ATP1A3: variants seen among roughly 807,000 people sequenced by gnomAD.
The protein encoded by ATP1A3 is ATPase Na+/K+ transporting subunit alpha 3.
In ATP1A3, 12 loss-of-function variants were observed where a neutral mutation model predicts 108.8. The observed-to-expected ratio is 0.11, with a 90% confidence interval of 0.07 to 0.18. ATP1A3 has a LOEUF of 0.18. Among genes scored for constraint, ATP1A3 ranks in the 10% least tolerant of loss-of-function variants. ATP1A3 has a pLI of 1.00. For missense variants in ATP1A3, 498 were observed against 1,387.7 expected, an observed-to-expected ratio of 0.36 and a Z score of 10.19; for synonymous variants, 539 against 564.5, an observed-to-expected ratio of 0.95 and a Z score of 0.64.
Position 41,988,776 on chromosome 19 carries a change from G to C in ATP1A3, c.7-214C>G, listed in dbSNP as rs111573952. ...CCCTTCTGCCTCTGGTGACTCTCAG[G>C]CCTCGTGAGTCTCATCTGCTGCAAT... On this transcript the variant is annotated intron_variant, in intron 1 of 22. Transcript: ENST00000648268. The surrounding 1 kb of genome is among the most constrained non-coding windows in gnomAD (Gnocchi z 5.3). Among the ~76,000 whole-genome samples, 116 of 152,088 alleles carry C rather than the reference G, an allele frequency of 7.6e-4. No homozygotes were observed. Among genetic ancestry groups the C allele is most frequent in the African/African-American group, 2.7e-3 (112 of 41,456 alleles).
At position 41,988,035 on chromosome 19, in the gene ATP1A3, G is replaced by A. The variant is rs2075302500; in HGVS notation, c.258C>T (p.Leu86=). 1.2e-6 allele frequency: 2 copies of A among 1,614,056 alleles called. No individual in the cohort carries two copies. The highest frequency in any genetic ancestry group is 1.3e-5 in the African/African-American group (1 of 74,914). Residue 86 remains leucine, a synonymous_variant, in exon 4 of 23, where the codon CTC becomes CTT. Coordinates refer to ENST00000648268, the MANE Select transcript of ATP1A3 (RefSeq NM_152296.5). The surrounding 1 kb of genome is among the most constrained non-coding windows in gnomAD (Gnocchi z 5.3). ...TPEWVKFCRQ[L]FGGFSILLWI... is the part of the protein sequence containing the mutation. Reference sequence around the variant, plus strand: ...ACAGCAGGATGGAGAAGCCCCCGAAGAGCTGCCGGCAAAACTTGACCCACT... The same window carrying A: ...ACAGCAGGATGGAGAAGCCCCCGAAAAGCTGCCGGCAAAACTTGACCCACT...
intron 16 of ATP1A3, among the ~76,000 whole-genome samples, chr19:41,975,054 A>AT (rs879966768): frequency 0.011 from 1,613 of 144,938 alleles, 5 homozygotes; most frequent in African/African-American, 0.014. Context: ...GGGCTTGAGA[A>AT]TTTTTTTTTT....
intron 16 of ATP1A3, among the ~76,000 whole-genome samples, chr19:41,973,659 C>A (rs1221303859): frequency 6.6e-6 from 1 of 152,216 alleles, no homozygotes; most frequent in Non-Finnish European, 1.5e-5. Context: ...GGCCTGCTTT[C>A]TTCGGGGCAT....
chr19:41,982,451 C>A lies in ATP1A3; in HGVS notation c.994-345G>T, dbSNP rs150665687. 4.5e-3 allele frequency among the ~76,000 whole-genome samples: 678 copies of A among 152,176 alleles called. 35 individuals carry two copies. In the East Asian group the frequency reaches 0.11, roughly 24 times the overall value. On this transcript the variant is annotated intron_variant, in intron 8 of 22. Coordinates refer to ENST00000648268, the MANE Select transcript of ATP1A3 (RefSeq NM_152296.5). Reference sequence around the variant, plus strand: ...GACCAGCCTGGCTAACATGGTGAAACCCCATCCCTACTAAAAATACAGAAA... The same window carrying A: ...GACCAGCCTGGCTAACATGGTGAAAACCCATCCCTACTAAAAATACAGAAA...
At chr19:41,969,315 G>A (rs963542251) in intron 19 of ATP1A3, 120 bp downstream of exon 19, 124 of 1,541,012 alleles carry the variant, frequency 8.0e-5, no homozygotes, top group Admixed American at 1.0e-4. Flanking sequence ...GCCCAGCAAA[G>A]GCCTTGATGC....
Position 41,976,476 on chromosome 19 carries a change from G to A in ATP1A3, c.2034C>T (p.Ile678=), listed in dbSNP as rs2145961533. Residue 678 remains isoleucine, a synonymous_variant, in exon 15 of 23, where the codon ATC becomes ATT. Coordinates refer to ENST00000648268, the MANE Select transcript of ATP1A3 (RefSeq NM_152296.5). The stretch of plus-strand genomic sequence containing the variant: ...GCTGGGGGGATGTGCGGGCGAAGAC[G>A]ATCTCGGTGTGATTCTGCAGGATCT... ...IDEILQNHTE[I]VFARTSPQQK... 3.7e-6 allele frequency: 6 copies of A among 1,614,222 alleles called. No homozygotes were observed. Among genetic ancestry groups the A allele is most frequent in the South Asian group, 3.3e-5 (3 of 91,080 alleles).
chr19:41,991,107 G>A (rs1302114496), intron 1 of ATP1A3, among the ~76,000 whole-genome samples: 18 of 152,196 alleles, frequency 1.2e-4, no homozygotes, highest in African/African-American at 4.1e-4. Flanking sequence ...GGATGGGGAG[G>A]GCAGTGTCCG....
chr19:41,992,074 G>A (rs1173400703), intron 1 of ATP1A3, among the ~76,000 whole-genome samples: 1 of 146,390 alleles, frequency 6.8e-6, no homozygotes, highest in African/African-American at 2.6e-5. Flanking sequence ...CCTGGTCTGA[G>A]GGAGGAGGGG....
chr19:41,993,963 C>T (rs995765851), intron 1 of ATP1A3, 108 bp downstream of exon 1: 4 of 1,556,644 alleles, frequency 2.6e-6, no homozygotes, highest in Non-Finnish European at 3.5e-6. Flanking sequence ...TCTCGCAGGC[C>T]TGGCCCCGGA....
At position 41,988,088 on chromosome 19, in the gene ATP1A3, C is replaced by T; in HGVS notation, c.205G>A (p.Ala69Thr). Residue 69 changes from alanine to threonine, a missense_variant, in exon 4 of 23, where the codon GCA becomes ACA. By Grantham distance (58) the Ala-to-Thr change is moderately conservative. Coordinates refer to ENST00000648268, the MANE Select transcript of ATP1A3 (RefSeq NM_152296.5). This position sits in a 1 kb window ranked among gnomAD's most constrained non-coding sequence, Gnocchi z 5.3. ...GGGGTGGTAGGCGGTGGCGTGAGTG[C>T]GTTAGGCCCATCCCGGGCCAGGATC... ...QEILARDGPNALTPPPTTPEW... is the reference protein window; with the variant it reads ...QEILARDGPNTLTPPPTTPEW... The T allele has an allele frequency of 1.2e-6, 2 of 1,614,116 alleles. No individual in the cohort carries two copies. Among genetic ancestry groups the T allele is most frequent in the Non-Finnish European group, 8.5e-7 (1 of 1,180,012 alleles).
At position 41,978,554 on chromosome 19, in the gene ATP1A3, A is replaced by AC; in HGVS notation, c.1630+51dup. Reference sequence around the variant, plus strand: ...GCTGAGACAGGCTTTGGGCAGCATCACAACCCTCCTTGCCCTCCAGGGACC... The same window carrying AC: ...GCTGAGACAGGCTTTGGGCAGCATCACCAACCCTCCTTGCCCTCCAGGGACC... On this transcript the variant is annotated intron_variant, in intron 12 of 22. Coordinates refer to ENST00000648268, the MANE Select transcript of ATP1A3 (RefSeq NM_152296.5). This position sits in a 1 kb window ranked among gnomAD's most constrained non-coding sequence, Gnocchi z 8.3. 6.2e-7 allele frequency: 1 copy of AC among 1,605,768 alleles called. No individual in the cohort carries two copies. The highest frequency in any genetic ancestry group is 8.5e-7 in the Non-Finnish European group (1 of 1,178,436).
chr19:41,985,430 G>T lies in ATP1A3; in HGVS notation c.607-7C>A, dbSNP rs782819736. On this transcript the variant is annotated splice_region_variant and splice_polypyrimidine_tract_variant and intron_variant, in intron 6 of 22. Coordinates refer to ENST00000648268, the MANE Select transcript of ATP1A3 (RefSeq NM_152296.5). The surrounding 1 kb of genome is among the most constrained non-coding windows in gnomAD (Gnocchi z 8.2). ...TCAGGGAGGAGTTGTCCACCTGGGG[G>T]TAGGTGCAGCAGAGAGAGGGTTCAG... 3.0e-5 allele frequency: 49 copies of T among 1,612,620 alleles called. No individual in the cohort carries two copies. The highest frequency in any genetic ancestry group is 2.7e-4 in the Admixed American group (16 of 60,010).
chr19:41,972,837 GGAAGGAAGGAAGGAAGGAAGGAAA>G (rs2075125323), intron 16 of ATP1A3, among the ~76,000 whole-genome samples: 2 of 140,682 alleles, frequency 1.4e-5, no homozygotes, highest in African/African-American at 5.5e-5. Context: ...AAGGAAGGAA[GGAAGGAAGGAAGGAAGGAAGGAAA>G]GAAGGAAGGA....
At chr19:41,972,852 A>C (rs2075125850) in intron 16 of ATP1A3, among the ~76,000 whole-genome samples, 3 of 131,656 alleles carry the variant, frequency 2.3e-5, no homozygotes, top group African/African-American at 8.8e-5. Flanking sequence ...GAAGGAAGGA[A>C]GGAAGGAAAG....
Position 41,988,311 on chromosome 19 carries a change from G to A in ATP1A3, c.153+7C>T, listed in dbSNP as rs782082118. The A allele has an allele frequency of 1.4e-5, 23 of 1,613,930 alleles. No individual in the cohort carries two copies. In the Admixed American group the frequency reaches 2.5e-4, roughly 18 times the overall value. ...TCCCAGGGTCCCAGCCCACAGCCTG[G>A]CCACACCTGCACACAGTCTGTGTTG... On this transcript the variant is annotated splice_region_variant and intron_variant, in intron 3 of 22. Transcript: ENST00000648268. This position sits in a 1 kb window ranked among gnomAD's most constrained non-coding sequence, Gnocchi z 5.3.
Position 41,969,526 on chromosome 19 carries a change from T to C in ATP1A3, c.2597A>G (p.Asn866Ser). The C allele has an allele frequency of 6.2e-7, 1 of 1,613,964 alleles. No homozygotes were observed. The highest frequency in any genetic ancestry group is 1.6e-4 in the Middle Eastern group (1 of 6,062). The part of the protein sequence containing the change: ...FFSYFVILAE[N>S]GFLPGNLVGI... ...CACCAGGTTGCCGGGCAAGAAGCCA[T>C]TTTCTGCCAGGATCACAAAGTAAGA... The change falls in exon 19 of 23, where the codon AAT becomes AGT. Residue 866 changes from asparagine to serine, a missense_variant. Asn to Ser is a conservative substitution (Grantham distance 46, BLOSUM62 1). This residue lies in a region of ATP1A3 where 121 missense variants were observed against 425.1 expected (regional missense o/e 0.28). Coordinates refer to ENST00000648268, the MANE Select transcript of ATP1A3 (RefSeq NM_152296.5).
In ATP1A3 at chr19:41,970,465, G is replaced by A. The variant is rs1568854382; in HGVS notation, c.2341C>T (p.Leu781=). Residue 781 remains leucine (L), a synonymous_variant, in exon 17 of 23, where the codon CTG becomes TTG. Transcript: ENST00000648268. ...TSNIPEITPF[L]LFIMANIPLP... is the part of the protein sequence containing the mutation. ...GGGATGTTGGCCATGATGAACAGCA[G>A]GAAGGGCGTGATCTCCGGGATATTG... 1 of 1,613,988 alleles carries A rather than the reference G, an allele frequency of 6.2e-7. No individual in the cohort carries two copies. Among genetic ancestry groups the A allele is most frequent in the Non-Finnish European group, 8.5e-7 (1 of 1,180,020 alleles).
intron 1 of ATP1A3, among the ~76,000 whole-genome samples, chr19:41,989,509 C>G (rs1045824731): frequency 6.6e-6 from 1 of 151,920 alleles, no homozygotes. Context: ...TTAGTAGAGA[C>G]AGGGTTTCAC....
chr19:41,983,358 G>A (rs1001684700), intron 8 of ATP1A3, among the ~76,000 whole-genome samples: 1 of 151,918 alleles, frequency 6.6e-6, no homozygotes, highest in Non-Finnish European at 1.5e-5. Flanking sequence ...GATTACAGGC[G>A]TGAGCCACCC....
Sources: gnomAD v4.1 joint callset for allele counts (sites outside exome capture counted in the v4.1 genomes callset) on GRCh38, gnomAD v4.1.1 for gene constraint, gnomAD v4.1.1 regional missense constraint, Gnocchi (gnomAD v3.1) non-coding constraint, MANE v1.5 for transcripts, NCBI Gene and HGNC (gene_info 2026-07-23, HGNC 2026-07-21) for gene names.